WRN: variants seen among roughly 807,000 people sequenced by gnomAD.
WRN encodes bifunctional 3'-5' exonuclease/ATP-dependent helicase WRN.
A neutral mutation model predicts 180.7 loss-of-function variants in WRN; 149 were observed. That is an observed-to-expected ratio of 0.82 (90% confidence interval 0.72 to 0.94). The LOEUF (loss-of-function observed/expected upper bound fraction) is 0.94. WRN is among the 40% of genes least tolerant of loss of function. WRN has a pLI of 0.00. For synonymous variants in WRN, 548 were observed against 568.9 expected, an observed-to-expected ratio of 0.96 and a Z score of 0.52; for missense variants, 1,661 against 1,700.1, an observed-to-expected ratio of 0.98 and a Z score of 0.40.
chr8:31,049,842 T>C (rs1011054047), intron 1 of WRN, among the ~76,000 whole-genome samples: 2 of 152,088 alleles, frequency 1.3e-5, no homozygotes, highest in Admixed American at 6.6e-5. Flanking sequence ...CCAACTCATG[T>C]GTAATTATAG....
At chr8:31,116,050 G>A (rs970121500) in intron 19 of WRN, among the ~76,000 whole-genome samples, 1 of 152,076 alleles carries the variant, frequency 6.6e-6, no homozygotes, top group Non-Finnish European at 1.5e-5. Flanking sequence ...TGTATCTGTC[G>A]TTTATAAGTT....
Position 31,167,035 on chromosome 8 carries a change from T to C in WRN, c.3996T>C (p.Ile1332=), listed in dbSNP as rs754171903. 1 of 1,612,902 alleles carries C rather than the reference T, an allele frequency of 6.2e-7. No individual in the cohort carries two copies. The highest frequency in any genetic ancestry group is 1.7e-5 in the Admixed American group (1 of 59,870). Residue 1332 remains isoleucine (I), a synonymous_variant, in exon 34 of 35, where the codon ATT becomes ATC. Transcript: ENST00000298139. The part of the protein sequence containing the change: ...NPPVNSDMSK[I]SLIRMLVPEN... ...TATCGTTTACAGATATGAGTAAAAT[T>C]AGCCTAATCAGAATGTTAGTTCCTG...
intron 33 of WRN, among the ~76,000 whole-genome samples, chr8:31,160,157 G>A (rs1803555868): frequency 6.6e-6 from 1 of 152,112 alleles, no homozygotes; most frequent in South Asian, 2.1e-4. Context: ...TCTTAACAAC[G>A]AATTCTGCTT....
At chr8:31,125,544 A>ATATATATATATATATATATATATC (rs1801894313) in intron 23 of WRN, among the ~76,000 whole-genome samples, 1 of 79,568 alleles carries the variant, frequency 1.3e-5, no homozygotes, top group Non-Finnish European at 2.9e-5. Context: ...GGAGATATAT[A>ATATATATATATATATATATATATC]TATATATATA....
intron 1 of WRN, among the ~76,000 whole-genome samples, chr8:31,044,621 C>G (rs1025015840): frequency 6.6e-6 from 1 of 152,156 alleles, no homozygotes; most frequent in Non-Finnish European, 1.5e-5. Context: ...TCCCAAAGTT[C>G]TGGGATTATA....
In WRN at chr8:31,174,832, C is replaced by T. The variant is rs1268092309; in HGVS notation, c.*1730C>T. Among the ~76,000 whole-genome samples the T allele has an allele frequency of 8.0e-6, 1 of 125,608 alleles. No homozygotes were observed. Among genetic ancestry groups the T allele is most frequent in the Non-Finnish European group, 1.7e-5 (1 of 59,376 alleles). The allele number at this position is 125,608 out of a possible 152,430, so 82.4% of individuals were successfully genotyped here. A position where few individuals can be genotyped will look rare whatever the true frequency, so the allele number is the denominator to read the frequency against. On this transcript the variant is annotated 3_prime_UTR_variant, in exon 35 of 35. Coordinates refer to ENST00000298139, the MANE Select transcript of WRN (RefSeq NM_000553.6). ...TCCTTCCTTCCTTCCTCCCTCCCTC[C>T]CTCCCTCCCTCCCTCCCTCCTTTCT...
intron 33 of WRN, among the ~76,000 whole-genome samples, chr8:31,159,348 T>C (rs1241938176): frequency 6.6e-6 from 1 of 151,112 alleles, no homozygotes; most frequent in Non-Finnish European, 1.5e-5. Context: ...TGGGGACTAC[T>C]GAGGGGAGGG....
intron 1 of WRN, among the ~76,000 whole-genome samples, chr8:31,049,253 C>CAGCAAGGT (rs1161668482): frequency 1.3e-5 from 2 of 148,914 alleles, no homozygotes; most frequent in Non-Finnish European, 3.0e-5. Flanking sequence ...AAAATAGGCC[C>CAGCAAGGT]AGCAAGGTAG....
chr8:31,061,289 AG>A (rs1260650091), intron 3 of WRN, among the ~76,000 whole-genome samples: 17 of 151,244 alleles, frequency 1.1e-4, no homozygotes, highest in African/African-American at 4.1e-4. Context: ...TTTCTTTTTT[AG>A]ATACTACATA....
At chr8:31,050,574 A>G (rs1812044913) in intron 1 of WRN, among the ~76,000 whole-genome samples, 1 of 148,950 alleles carries the variant, frequency 6.7e-6, no homozygotes, top group Non-Finnish European at 1.5e-5. Context: ...TTCAGTCCAG[A>G]TTTCTTTCCA....
chr8:31,083,168 A>T (rs1322591915), intron 9 of WRN, among the ~76,000 whole-genome samples: 2 of 152,192 alleles, frequency 1.3e-5, no homozygotes, highest in Non-Finnish European at 2.9e-5. Flanking sequence ...ATACCCAAAC[A>T]TTGGCAATAG....
At chr8:31,125,537 G>GAGATATATATATATATATATAT (rs1365119717) in intron 23 of WRN, among the ~76,000 whole-genome samples, 5 of 63,762 alleles carry the variant, frequency 7.8e-5, no homozygotes, top group Admixed American at 2.2e-4. Context: ...ATATTATGGA[G>GAGATATATATATATATATATAT]ATATATATAT....
chr8:31,141,438 G>A lies in WRN; in HGVS notation c.2976G>A (p.Gln992=), dbSNP rs1802623961. Residue 992 remains glutamine, a synonymous_variant, in exon 25 of 35, where the codon CAG becomes CAA. Transcript: ENST00000298139. ...PILFLRGSNS[Q]RLADQYRRHS... ...TTTATTCCTAATTTCAGAATTCTCA[G>A]CGTCTTGCCGATCAATATCGCAGGC... 6.2e-7 allele frequency: 1 copy of A among 1,614,020 alleles called. No individual in the cohort carries two copies. Among genetic ancestry groups the A allele is most frequent in the African/African-American group, 1.3e-5 (1 of 74,992 alleles).
intron 33 of WRN, among the ~76,000 whole-genome samples, chr8:31,166,144 C>T (rs1997591): frequency 0.43 from 65,232 of 151,922 alleles, 14,310 homozygotes; most frequent in East Asian, 0.64. Flanking sequence ...TGAAAACTAA[C>T]AATTTAAAGA....
chr8:31,051,894 GC>G (rs1812089796), intron 1 of WRN, among the ~76,000 whole-genome samples: 1 of 152,166 alleles, frequency 6.6e-6, no homozygotes, highest in South Asian at 2.1e-4. Flanking sequence ...TGTACTGTGT[GC>G]TAAATGGTTT....
intron 23 of WRN, among the ~76,000 whole-genome samples, chr8:31,126,006 A>ATATATATATAT (rs1327069743): frequency 6.6e-6 from 1 of 150,482 alleles, no homozygotes; most frequent in African/African-American, 2.4e-5. Context: ...ATATCTACTT[A>ATATATATATAT]ACAAAAAGAC....
At chr8:31,052,649 A>G (rs752859023) in intron 1 of WRN, among the ~76,000 whole-genome samples, 2 of 152,168 alleles carry the variant, frequency 1.3e-5, no homozygotes, top group Non-Finnish European at 2.9e-5. Flanking sequence ...GGCCTCCCAA[A>G]GTACTGGGAT....
chr8:31,054,923 C>T (rs1254186999), intron 1 of WRN, among the ~76,000 whole-genome samples: 1 of 152,098 alleles, frequency 6.6e-6, no homozygotes, highest in African/African-American at 2.4e-5. Flanking sequence ...TGTTGTTCCC[C>T]ATGTATTCTC....
chr8:31,096,916 T>TGG (rs1814011244), intron 17 of WRN, 66 bp downstream of exon 17: 1 of 1,395,650 alleles, frequency 7.2e-7, no homozygotes, highest in African/African-American at 1.4e-5. Context: ...AACCTATGGA[T>TGG]GGACACTGGA....
Sources: allele counts gnomAD v4.1 joint callset (sites outside exome capture counted in the v4.1 genomes callset), GRCh38; gene constraint gnomAD v4.1.1; transcripts MANE v1.5; gene names NCBI Gene and HGNC (gene_info 2026-07-23, HGNC 2026-07-21).